The following B3GALT1 variants were observed in gnomAD, a reference collection of about 807,000 sequenced individuals.
B3GALT1 encodes the protein beta-1,3-galactosyltransferase 1.
In B3GALT1, 10 loss-of-function variants were observed where a neutral mutation model predicts 23.2. The ratio of observed to expected loss-of-function variants is 0.43; its 90% CI spans 0.27 to 0.73. B3GALT1 has a LOEUF of 0.73. Ranked by LOEUF, B3GALT1 falls within the 30% of genes least tolerant of loss-of-function variation. The pLI is 0.21. For synonymous variants in B3GALT1, 156 were observed against 141.5 expected (o/e 1.10, Z -0.73); for missense variants, 299 against 405.4 (o/e 0.74, Z 2.25).
chr2:167,697,972 C>A (rs972127370), intron 3 of B3GALT1, among the ~76,000 whole-genome samples: 1 of 152,168 alleles, frequency 6.6e-6, no homozygotes, highest in African/African-American at 2.4e-5. Flanking sequence ...TAAAGAAAAG[C>A]TTTTAAAAAT....
intron 2 of B3GALT1, among the ~76,000 whole-genome samples, chr2:167,514,454 C>T (rs1224504270): frequency 1.3e-5 from 2 of 152,112 alleles, no homozygotes; most frequent in Non-Finnish European, 2.9e-5. Context: ...TATCCCTTCT[C>T]TGTCTTCCTG....
At chr2:167,728,524 T>G (rs1687356382) in intron 3 of B3GALT1, among the ~76,000 whole-genome samples, 1 of 152,230 alleles carries the variant, frequency 6.6e-6, no homozygotes, top group South Asian at 2.1e-4. Context: ...GAGACACAGA[T>G]AAACAGAAAC....
chr2:167,601,422 T>G (rs977924752), intron 2 of B3GALT1, among the ~76,000 whole-genome samples: 2 of 152,204 alleles, frequency 1.3e-5, no homozygotes, highest in East Asian at 3.8e-4. Context: ...CTAGATTAAG[T>G]GATTTCAATT....
chr2:167,396,250 T>C (rs1251147819), intron 1 of B3GALT1, among the ~76,000 whole-genome samples: 1 of 152,164 alleles, frequency 6.6e-6, no homozygotes, highest in Non-Finnish European at 1.5e-5. Context: ...ACAGAGCTGA[T>C]TATGAATCCA....
intron 4 of B3GALT1, among the ~76,000 whole-genome samples, chr2:167,832,054 C>T (rs1157496441): frequency 6.6e-6 from 1 of 152,034 alleles, no homozygotes; most frequent in Non-Finnish European, 1.5e-5. Context: ...TGAAATAAGA[C>T]AAAATATAAA....
chr2:167,748,192 G>A (rs1484411282), intron 3 of B3GALT1, among the ~76,000 whole-genome samples: 1 of 152,020 alleles, frequency 6.6e-6, no homozygotes, highest in African/African-American at 2.4e-5. Flanking sequence ...TGATATGTGG[G>A]GAGTGTTAAA....
chr2:167,599,914 A>G (rs752316475), intron 2 of B3GALT1, among the ~76,000 whole-genome samples: 1 of 152,192 alleles, frequency 6.6e-6, no homozygotes, highest in Non-Finnish European at 1.5e-5. Flanking sequence ...AGATATGGAA[A>G]TCTATAATGG....
intron 2 of B3GALT1, among the ~76,000 whole-genome samples, chr2:167,621,673 AGT>A (rs1685262249): frequency 6.6e-6 from 1 of 152,068 alleles, no homozygotes; most frequent in Admixed American, 6.6e-5. Flanking sequence ...GGAGGGACCC[AGT>A]GGGAGGTAAT....
intron 1 of B3GALT1, among the ~76,000 whole-genome samples, chr2:167,472,910 G>A (rs1437095067): frequency 6.6e-6 from 1 of 152,082 alleles, no homozygotes; most frequent in Non-Finnish European, 1.5e-5. Context: ...AAGTCTAAAC[G>A]TCCTTCTGAT....
chr2:167,487,894 C>T (rs1699651707), intron 1 of B3GALT1, among the ~76,000 whole-genome samples: 1 of 152,134 alleles, frequency 6.6e-6, no homozygotes. Context: ...GCAAATCCCC[C>T]ATTGGCAGCA....
intron 2 of B3GALT1, among the ~76,000 whole-genome samples, chr2:167,579,057 C>T (rs1684432486): frequency 6.6e-6 from 1 of 152,020 alleles, no homozygotes; most frequent in South Asian, 2.1e-4. Flanking sequence ...GAGCTTGCCC[C>T]CAGATAAAAT....
At chr2:167,446,694 C>A (rs901736135) in intron 1 of B3GALT1, among the ~76,000 whole-genome samples, 1 of 152,176 alleles carries the variant, frequency 6.6e-6, no homozygotes, top group East Asian at 1.9e-4. Context: ...AGTTCTCGTT[C>A]CATGGTTTTC....
chr2:167,440,977 T>C (rs1295696863), intron 1 of B3GALT1, among the ~76,000 whole-genome samples: 1 of 152,226 alleles, frequency 6.6e-6, no homozygotes, highest in East Asian at 1.9e-4. Flanking sequence ...TAATGGAATA[T>C]GGTTATTCAT....
intron 2 of B3GALT1, among the ~76,000 whole-genome samples, chr2:167,565,664 A>G (rs1278751506): frequency 6.6e-6 from 1 of 152,230 alleles, no homozygotes; most frequent in African/African-American, 2.4e-5. Context: ...TTTACAAGAA[A>G]AAAACAACCC....
chr2:167,305,927 A>G (rs1696545343), intron 1 of B3GALT1, among the ~76,000 whole-genome samples: 1 of 152,096 alleles, frequency 6.6e-6, no homozygotes, highest in Admixed American at 6.6e-5. Context: ...AAAAATAATC[A>G]TGTTCTGTGT....
chr2:167,780,558 C>T (rs1367395139), intron 3 of B3GALT1, among the ~76,000 whole-genome samples: 3 of 152,174 alleles, frequency 2.0e-5, no homozygotes, highest in Non-Finnish European at 4.4e-5. Flanking sequence ...TTTCTGTTAG[C>T]GCATCTTGAC....
At chr2:167,472,377 T>G (rs1699429199) in intron 1 of B3GALT1, among the ~76,000 whole-genome samples, 1 of 152,068 alleles carries the variant, frequency 6.6e-6, no homozygotes, top group Admixed American at 6.6e-5. Flanking sequence ...GGCCCCCAAG[T>G]GTATTAGACC....
intron 2 of B3GALT1, among the ~76,000 whole-genome samples, chr2:167,578,479 C>T (rs1181525158): frequency 6.6e-6 from 1 of 151,190 alleles, no homozygotes; most frequent in Non-Finnish European, 1.5e-5. Flanking sequence ...CCAGGATTTT[C>T]CTGATTGCAT....
intron 1 of B3GALT1, among the ~76,000 whole-genome samples, chr2:167,435,315 T>TAA (rs1294411548): frequency 6.6e-6 from 1 of 150,834 alleles, no homozygotes; most frequent in Non-Finnish European, 1.5e-5. Context: ...ATCTTTATTC[T>TAA]AACAGTCAAT....
Sources: allele counts gnomAD v4.1 joint callset (sites outside exome capture counted in the v4.1 genomes callset), GRCh38; gene constraint gnomAD v4.1.1; transcripts MANE v1.5; gene names NCBI Gene and HGNC (gene_info 2026-07-23, HGNC 2026-07-21).